The following XK variants were observed in gnomAD, a reference collection of about 807,000 sequenced individuals.
XK encodes endoplasmic reticulum membrane adapter protein XK.
XK carries 2 observed loss-of-function variants against 14.0 expected under a neutral mutation model. The ratio of observed to expected loss-of-function variants is 0.14; its 90% CI spans 0.06 to 0.45. XK has a LOEUF of 0.45. Among genes scored for constraint, XK ranks in the 20% least tolerant of loss-of-function variants. The pLI is 0.98. For missense variants in XK, 235 were observed against 341.5 expected (o/e 0.69, Z 2.46); for synonymous variants, 149 against 147.5 (o/e 1.01, Z -0.08).
At chrX:37,702,960 G>A (rs1927443035) in intron 2 of XK, among the ~76,000 whole-genome samples, 1 of 111,988 alleles carries the variant, frequency 8.9e-6, no homozygotes, top group Non-Finnish European at 1.9e-5. Flanking sequence ...TGTCATTTGA[G>A]TTTAACAACT....
At chrX:37,708,199 A>AGAGAGGGAGAGGGAGACCGTGGG (rs1556445864) in intron 2 of XK, among the ~76,000 whole-genome samples, 4 of 111,667 alleles carry the variant, frequency 3.6e-5, no homozygotes, top group Non-Finnish European at 5.7e-5. Context: ...GACTGTGGAA[A>AGAGAGGGAGAGGGAGACCGTGGG]GAGAGGGAGA....
intron 2 of XK, among the ~76,000 whole-genome samples, chrX:37,724,016 TA>T (rs1927928622): frequency 9.0e-6 from 1 of 111,256 alleles, no homozygotes; most frequent in Non-Finnish European, 1.9e-5. Flanking sequence ...TAAATTTGAT[TA>T]GTAGATTCCA....
intron 2 of XK, among the ~76,000 whole-genome samples, chrX:37,707,257 G>A (rs1311960622): frequency 9.2e-5 from 10 of 109,071 alleles, no homozygotes; most frequent in Non-Finnish European, 1.7e-4. Flanking sequence ...GGCCGGGCGG[G>A]GGCTGACCCC....
At chrX:37,705,311 G>A (rs1556444814) in intron 2 of XK, among the ~76,000 whole-genome samples, 1 of 110,219 alleles carries the variant, frequency 9.1e-6, no homozygotes, top group Non-Finnish European at 1.9e-5. Flanking sequence ...AATTAGCCGG[G>A]CGTGGTGGCG....
rs1302142751 is a variant in XK, at chrX:37,685,890, G to C, written c.-72G>C. On this transcript the variant is annotated 5_prime_UTR_variant, in exon 1 of 3. Coordinates refer to ENST00000378616, the MANE Select transcript of XK (RefSeq NM_021083.4). Reference sequence around the variant, plus strand: ...GCATGCTGGGAGCCCCTCGGGCAACGGCCGCCGCCGCCACAGCCACACAGC... The same window carrying C: ...GCATGCTGGGAGCCCCTCGGGCAACCGCCGCCGCCGCCACAGCCACACAGC... The C allele has an allele frequency of 1.8e-6, 2 of 1,129,158 alleles. No homozygotes were observed. Among genetic ancestry groups the C allele is most frequent in the Non-Finnish European group, 2.4e-6 (2 of 847,018 alleles). 93.1% of individuals were successfully genotyped at this position (1,129,158 alleles called of 1,213,427 possible).
intron 1 of XK, among the ~76,000 whole-genome samples, chrX:37,687,040 G>A (rs1264126533): frequency 1.5e-4 from 17 of 111,045 alleles, no homozygotes; most frequent in Non-Finnish European, 7.6e-5. Context: ...CGTCCATTTG[G>A]ATTAGAAATA....
At chrX:37,725,088 T>A (rs1007106624) in intron 2 of XK, among the ~76,000 whole-genome samples, 5 of 111,708 alleles carry the variant, frequency 4.5e-5, no homozygotes, top group Non-Finnish European at 7.6e-5. Context: ...AGAAATATAC[T>A]GCATGATCTC....
chrX:37,686,061 C>G lies in XK; in HGVS notation c.100C>G (p.Arg34Gly), dbSNP rs1927063580. The G allele has an allele frequency of 1.7e-6, 2 of 1,211,634 alleles. No homozygotes were observed. The highest frequency in any genetic ancestry group is 3.4e-5 in the African/African-American group (2 of 58,136). ...CAGCACCTACCGCTCGGGCGGGGAC[C>G]GCATGTGGCAGGCGCTGACGTTGCT... Reference protein sequence around the residue: ...LSSTYRSGGDRMWQALTLLFS... With the variant: ...LSSTYRSGGDGMWQALTLLFS... The change falls in exon 1 of 3, where the codon CGC becomes GGC. Residue 34 changes from arginine (R) to glycine (G), a missense_variant. Arg to Gly is a moderately radical substitution (Grantham distance 125). Coordinates refer to ENST00000378616, the MANE Select transcript of XK (RefSeq NM_021083.4).
Position 37,720,940 on chromosome X carries a change from A to G in XK, c.509-6696A>G, listed in dbSNP as rs186421291. ...TGACAGACACATAGTTTGATTCCAT[A>G]TCTTTACTATTGTAAATAGTGCTAC... On this transcript the variant is annotated intron_variant, in intron 2 of 2. Coordinates refer to ENST00000378616, the MANE Select transcript of XK (RefSeq NM_021083.4). Among the ~76,000 whole-genome samples, 3 of 111,519 alleles carry G rather than the reference A, an allele frequency of 2.7e-5. No individual in the cohort carries two copies. The Admixed American group carries it at 2.8e-4, about 11-fold the overall frequency.
In XK at chrX:37,694,304, C is replaced by T. The variant is rs955457440; in HGVS notation, c.264C>T (p.Cys88=). The change falls in exon 2 of 3, where the codon TGC becomes TGT. Residue 88 remains cysteine, a synonymous_variant. Coordinates refer to ENST00000378616, the MANE Select transcript of XK (RefSeq NM_021083.4). ...TTTTCAGGTGTTTTGAAGTCTTCTGCATCTACTTTCAGTCAGGCAACAATG... is the reference window on the plus strand; with the variant it reads ...TTTTCAGGTGTTTTGAAGTCTTCTGTATCTACTTTCAGTCAGGCAACAATG... ...GPLFRCFEVF[C]IYFQSGNNEE... 2 of 1,211,974 alleles carry T rather than the reference C, an allele frequency of 1.7e-6. No individual in the cohort carries two copies. The highest frequency in any genetic ancestry group is 2.2e-6 in the Non-Finnish European group (2 of 895,496).
Position 37,718,986 on chromosome X carries a change from A to G in XK, c.509-8650A>G, listed in dbSNP as rs997959845. Among the ~76,000 whole-genome samples, 4 of 111,323 alleles carry G rather than the reference A, an allele frequency of 3.6e-5. No individual in the cohort carries two copies. In the South Asian group the frequency reaches 1.5e-3, roughly 42 times the overall value. ...TATCTCCATGCTTCCACATAGGATC[A>G]TTTCTTGTGGGCCTGAAATACTACT... On this transcript the variant is annotated intron_variant, in intron 2 of 2. Transcript: ENST00000378616.
chrX:37,706,412 T>C (rs1372890435), intron 2 of XK, among the ~76,000 whole-genome samples: 1 of 110,686 alleles, frequency 9.0e-6, no homozygotes, highest in African/African-American at 3.3e-5. Flanking sequence ...AGATGCCAAA[T>C]CCCTACTTTT....
chrX:37,687,162 C>G (rs1927094433), intron 1 of XK, among the ~76,000 whole-genome samples: 1 of 102,544 alleles, frequency 9.8e-6, no homozygotes, highest in Admixed American at 1.1e-4. Context: ...CAGGAAATCT[C>G]TCTCTCTCTC....
intron 1 of XK, among the ~76,000 whole-genome samples, chrX:37,693,779 G>A (rs1228874121): frequency 9.0e-6 from 1 of 111,704 alleles, no homozygotes; most frequent in African/African-American, 3.3e-5. Context: ...GGGGTGGTTT[G>A]GGGCATCTTT....
intron 1 of XK, among the ~76,000 whole-genome samples, chrX:37,688,059 C>CTTTCTTTCT (rs1222917921): frequency 3.5e-4 from 19 of 54,661 alleles, no homozygotes; most frequent in Non-Finnish European, 4.8e-4. Context: ...TTCTTTCTTT[C>CTTTCTTTCT]TTTTTTTTTT....
At chrX:37,703,424 A>T (rs1256334251) in intron 2 of XK, among the ~76,000 whole-genome samples, 2 of 112,353 alleles carry the variant, frequency 1.8e-5, no homozygotes, top group African/African-American at 6.5e-5. Context: ...TCATGAAAGG[A>T]GAGGCAGAAC....
intron 2 of XK, among the ~76,000 whole-genome samples, chrX:37,697,604 T>C (rs1205571244): frequency 1.8e-5 from 2 of 112,216 alleles, no homozygotes; most frequent in African/African-American, 6.5e-5. Context: ...GAGTTTGCCA[T>C]GAGGGAGAGA....
At chrX:37,705,205 G>C (rs782638042) in intron 2 of XK, among the ~76,000 whole-genome samples, 65 of 110,768 alleles carry the variant, frequency 5.9e-4, no homozygotes, top group Admixed American at 2.8e-3. Flanking sequence ...CAGCACTTTG[G>C]GGGGCCAAGG....
intron 2 of XK, among the ~76,000 whole-genome samples, chrX:37,726,166 G>A (rs140837203): frequency 9.0e-6 from 1 of 111,283 alleles, no homozygotes; most frequent in Non-Finnish European, 1.9e-5. Flanking sequence ...GTAAAAAAAT[G>A]TACCACTCTG....
Sources: allele counts gnomAD v4.1 joint callset (sites outside exome capture counted in the v4.1 genomes callset), GRCh38; gene constraint gnomAD v4.1.1; transcripts MANE v1.5; gene names NCBI Gene and HGNC (gene_info 2026-07-23, HGNC 2026-07-21).